Variants in PARVB observed in about 807,000 individuals in gnomAD.
The protein encoded by PARVB is parvin beta.
PARVB carries 46 observed loss-of-function variants against 47.0 expected under a neutral mutation model. The observed-to-expected ratio is 0.98, with a 90% CI of 0.77 to 1.25. The LOEUF is 1.25. Ranked by LOEUF, PARVB falls within the 50% of genes most tolerant of loss-of-function variation. The pLI is 0.00. For synonymous variants in PARVB, 196 were observed against 196.3 expected (o/e 1.00, Z 0.01); for missense variants, 473 against 471.6 (o/e 1.00, Z -0.03).
At chr22:44,072,254 C>T (rs145294127) in intron 1 of PARVB, among the ~76,000 whole-genome samples, 8 of 152,150 alleles carry the variant, frequency 5.3e-5, no homozygotes, top group African/African-American at 1.7e-4. Context: ...CATCATGAGG[C>T]CCCTGAAAGA....
intron 1 of PARVB, chr22:44,086,926 C>T (rs1025546627): frequency 1.7e-5 from 12 of 694,182 alleles, no homozygotes; most frequent in East Asian, 1.3e-4. Context: ...TAAGCCCAAG[C>T]GAAGGATCCC....
rs74920360 is a variant in PARVB at position 44,143,789 on chromosome 22, C to T, written c.712+3646C>T. ...CTCCATGGCAATGGGTGAGCTGGTG[C>T]GGCTTCTCCGCGGGCGGCCCTTCCC... is the stretch of plus-strand genomic sequence containing the variant. On this transcript the variant is annotated intron_variant, in intron 8 of 12. Transcript: ENST00000338758. 1,112 of 152,530 alleles carry T rather than the reference C, an allele frequency of 7.3e-3. 2 individuals carry two copies. The highest frequency in any genetic ancestry group is 0.022 in the South Asian group (105 of 4,820). The allele number at this position is 152,530 out of a possible 1,614,324, so 9.4% of individuals were successfully genotyped here. A position where few individuals can be genotyped will look rare whatever the true frequency, so the allele number is the denominator to read the frequency against.
intron 3 of PARVB, among the ~76,000 whole-genome samples, chr22:44,117,561 TG>T (rs1194059934): frequency 6.6e-6 from 1 of 152,200 alleles, no homozygotes; most frequent in Non-Finnish European, 1.5e-5. Flanking sequence ...AAGACCAGAA[TG>T]CCACAGGGCC....
rs564472755 is a variant in PARVB, at chr22:44,170,845, A to C, written c.*2167A>C. The C allele has an allele frequency of 2.0e-5, 3 of 152,306 alleles. No homozygotes were observed. The South Asian group carries it at 6.2e-4, about 32-fold the overall frequency. The allele number at this position is 152,306 out of a possible 1,614,324, so 9.4% of individuals were successfully genotyped here. A position where few individuals can be genotyped will look rare whatever the true frequency, so the allele number is the denominator to read the frequency against. ...TTCCTGCCGCAGATCAGAGCTTTGG[A>C]GTAAGTTTTGATATGAAATCGAATG... On this transcript the variant is annotated 3_prime_UTR_variant, in exon 13 of 13. Transcript: ENST00000338758.
At position 44,168,663 on chromosome 22, in the gene PARVB, CA is replaced by C. The variant is rs987270552; in HGVS notation, c.1082del (p.Lys361ArgfsTer43). ...TTCTTTACAACCTGTTCACCAAGTA[CA>C]AGAACGTGGAGTGACGGGGGAGCTG... Reference protein sequence around the residue: ...RVLYNLFTKYKNVE With the variant: ...RVLYNLFTKYXNVE On this transcript the variant is annotated frameshift_variant, in exon 13 of 13. Transcript: ENST00000338758. LOFTEE classifies it high-confidence loss of function. 3.7e-6 allele frequency: 6 copies of C among 1,610,896 alleles called. No individual in the cohort carries two copies. Among genetic ancestry groups the C allele is most frequent in the Non-Finnish European group, 5.1e-6 (6 of 1,177,144 alleles).
rs2051177663 is a variant in PARVB, at chr22:44,049,915, T to A, written c.112+25464T>A. 6.6e-6 allele frequency among the ~76,000 whole-genome samples: 1 copy of A among 152,244 alleles called. No homozygotes were observed. Among genetic ancestry groups the A allele is most frequent in the Non-Finnish European group, 1.5e-5 (1 of 68,048 alleles). On this transcript the variant is annotated intron_variant, in intron 1 of 12. Coordinates refer to ENST00000338758, the MANE Select transcript of PARVB (RefSeq NM_013327.5). The surrounding 1 kb of genome is among the most constrained non-coding windows in gnomAD (Gnocchi z 4.0). Reference sequence around the variant, plus strand: ...GTGTGTCTCGATGTTGTACTGTGAATAAGCCCCATGCCTACTTGAGTTTGG... The same window carrying A: ...GTGTGTCTCGATGTTGTACTGTGAAAAAGCCCCATGCCTACTTGAGTTTGG...
intron 1 of PARVB, among the ~76,000 whole-genome samples, chr22:44,085,291 G>GTTTTCTTTTTCT (rs202198824): frequency 2.6e-5 from 4 of 151,844 alleles, no homozygotes; most frequent in African/African-American, 9.7e-5. Context: ...CTGCAACATG[G>GTTTTCTTTTTCT]TTTTCTTTTT....
At chr22:44,014,509 C>T (rs563243971) in intron 2 of PARVB, among the ~76,000 whole-genome samples, 1 of 152,190 alleles carries the variant, frequency 6.6e-6, no homozygotes, top group Non-Finnish European at 1.5e-5. Context: ...GAAGCAAAGA[C>T]GGCATTGATG....
intron 2 of PARVB, among the ~76,000 whole-genome samples, chr22:44,006,580 G>T (rs8137975): frequency 1.3e-5 from 2 of 152,170 alleles, no homozygotes; most frequent in Non-Finnish European, 2.9e-5. Context: ...AGCCGAGATC[G>T]TGCCACTGCA....
At chr22:44,099,131 T>G (rs919239638) in intron 2 of PARVB, among the ~76,000 whole-genome samples, 3 of 152,100 alleles carry the variant, frequency 2.0e-5, no homozygotes, top group Non-Finnish European at 4.4e-5. Flanking sequence ...TCTTGTGCCT[T>G]TTTTCCTCTT....
intron 1 of PARVB, among the ~76,000 whole-genome samples, chr22:44,083,691 G>A (rs1371572732): frequency 6.6e-6 from 1 of 152,130 alleles, no homozygotes; most frequent in Non-Finnish European, 1.5e-5. Flanking sequence ...ATCAGACGAT[G>A]AGTGTGGAAG....
chr22:44,108,640 A>G (rs1367434017), intron 3 of PARVB: 2 of 152,128 alleles, frequency 1.3e-5, no homozygotes, highest in African/African-American at 2.4e-5. Context: ...ATTACAGTCA[A>G]AGGGGGTTGT....
chr22:44,123,590 T>C (rs2053120873), intron 4 of PARVB, among the ~76,000 whole-genome samples: 1 of 152,194 alleles, frequency 6.6e-6, no homozygotes, highest in South Asian at 2.1e-4. Context: ...ATTTTTTGTA[T>C]TTTTTATAGA....
chr22:44,140,164 T>A, intron 8 of PARVB, 21 bp downstream of exon 8: 1 of 1,557,532 alleles, frequency 6.4e-7, no homozygotes, highest in Non-Finnish European at 8.7e-7. Context: ...CCAGGGAAAG[T>A]GGGGAGATGG....
intron 10 of PARVB, chr22:44,153,652 A>T (rs1032560769): frequency 1.3e-5 from 2 of 152,214 alleles, no homozygotes; most frequent in Non-Finnish European, 2.9e-5. Flanking sequence ...TCTAAATAAC[A>T]GTGGATCTTA....
intron 3 of PARVB, chr22:44,110,351 C>T (rs949258718): frequency 1.6e-4 from 25 of 152,136 alleles, no homozygotes; most frequent in African/African-American, 5.5e-4. Context: ...ACTATTTTCT[C>T]CCGACTGAAT....
intron 1 of PARVB, among the ~76,000 whole-genome samples, chr22:44,046,323 C>A (rs1369434911): frequency 6.6e-6 from 1 of 152,220 alleles, no homozygotes; most frequent in East Asian, 1.9e-4. Context: ...GAGTAGGACC[C>A]TTAGCACAAC....
intron 2 of PARVB, among the ~76,000 whole-genome samples, chr22:44,098,140 G>A (rs2052352747): frequency 6.6e-6 from 1 of 152,164 alleles, no homozygotes; most frequent in Admixed American, 6.5e-5. Context: ...GATTTTTAGT[G>A]TGGGTTGAAG....
intron 3 of PARVB, among the ~76,000 whole-genome samples, chr22:44,102,215 C>T (rs1601603396): frequency 2.0e-5 from 3 of 152,310 alleles, no homozygotes; most frequent in South Asian, 2.1e-4. Flanking sequence ...ATCCCAACTT[C>T]CTCCACCTTT....
Sources: allele counts gnomAD v4.1 joint callset (sites outside exome capture counted in the v4.1 genomes callset), GRCh38; gene constraint gnomAD v4.1.1; non-coding constraint Gnocchi (gnomAD v3.1); transcripts MANE v1.5; gene names NCBI Gene and HGNC (gene_info 2026-07-23, HGNC 2026-07-21).